TENM3: variants seen among roughly 807,000 people sequenced by gnomAD.
The protein encoded by TENM3 is teneurin transmembrane protein 3.
In TENM3, 63 loss-of-function variants were observed where a neutral mutation model predicts 255.1. The observed-to-expected ratio is 0.25, with a 90% CI of 0.20 to 0.30. The LOEUF (loss-of-function observed/expected upper bound fraction) is 0.30. TENM3 is among the 10% of genes least tolerant of loss of function. TENM3 has a pLI of 1.00. For synonymous variants in TENM3, 1,306 were observed against 1,322.3 expected (o/e 0.99, Z 0.27); for missense variants, 2,929 against 3,461.1 (o/e 0.85, Z 3.86).
the TENM3 span, among the ~76,000 whole-genome samples, chr4:181,767,169 G>A: frequency 1.4e-5 from 2 of 147,444 alleles, no homozygotes; most frequent in Non-Finnish European, 3.0e-5. Flanking sequence ...GGAGAATGGC[G>A]TGAACCCGGG....
chr4:182,594,365 A>C (rs1746971043), intron 3 of TENM3, among the ~76,000 whole-genome samples: 1 of 152,020 alleles, frequency 6.6e-6, no homozygotes, highest in Non-Finnish European at 1.5e-5. Context: ...TTGTCTCTAC[A>C]AAAAATTTAA....
chr4:182,074,082 T>C, the TENM3 span, among the ~76,000 whole-genome samples: 8 of 152,256 alleles, frequency 5.3e-5, no homozygotes, highest in African/African-American at 1.9e-4. Flanking sequence ...TTAAGTCATC[T>C]GGCAGGGTCC....
At chr4:182,321,364 T>G (rs1169873631) in intron 1 of TENM3, among the ~76,000 whole-genome samples, 1 of 152,026 alleles carries the variant, frequency 6.6e-6, no homozygotes, top group African/African-American at 2.4e-5. Context: ...GGTGGCTCAC[T>G]CCTGTAATCC....
At chr4:181,815,517 A>T in the TENM3 span, among the ~76,000 whole-genome samples, 1 of 151,966 alleles carries the variant, frequency 6.6e-6, no homozygotes, top group Non-Finnish European at 1.5e-5. Context: ...ACAAAGTGAA[A>T]ATGGTCTAAT....
intron 3 of TENM3, among the ~76,000 whole-genome samples, chr4:182,419,062 T>C (rs549252457): frequency 1.3e-5 from 2 of 152,322 alleles, no homozygotes; most frequent in African/African-American, 4.8e-5. Flanking sequence ...ACAAAGACAT[T>C]CTATATATGA....
In TENM3 at chr4:182,441,000, C is replaced by A. The variant is rs1475820910; in HGVS notation, c.511+94071C>A. 2.0e-5 allele frequency among the ~76,000 whole-genome samples: 3 copies of A among 152,060 alleles called. No individual in the cohort carries two copies. The East Asian group carries it at 5.8e-4, about 29-fold the overall frequency. On this transcript the variant is annotated intron_variant, in intron 3 of 27. Coordinates refer to ENST00000511685, the MANE Select transcript of TENM3 (RefSeq NM_001080477.4). ...GAGACTCTTAAAATAGAATTGCCCT[C>A]AGTAAACAATGTAAAACATTGTAAT...
At chr4:182,431,028 T>TAAAC (rs1771596128) in intron 3 of TENM3, among the ~76,000 whole-genome samples, 1 of 87,876 alleles carries the variant, frequency 1.1e-5, no homozygotes, top group African/African-American at 4.6e-5. Context: ...AATAAATAAA[T>TAAAC]AAATAAATAA....
chr4:181,644,100 G>T, the TENM3 span, among the ~76,000 whole-genome samples: 1 of 148,286 alleles, frequency 6.7e-6, no homozygotes, highest in Non-Finnish European at 1.5e-5. Context: ...AAAAAGTCAA[G>T]GGTGAGCAAG....
intron 3 of TENM3, among the ~76,000 whole-genome samples, chr4:182,553,679 TC>T (rs1351576829): frequency 6.6e-6 from 1 of 152,212 alleles, no homozygotes; most frequent in Non-Finnish European, 1.5e-5. Context: ...AGTTAATGCC[TC>T]CTCTCATTTA....
intron 3 of TENM3, among the ~76,000 whole-genome samples, chr4:182,554,722 T>C (rs982562478): frequency 6.6e-6 from 1 of 152,164 alleles, no homozygotes. Context: ...GCTCATTTAC[T>C]TAAAAGTCAT....
At chr4:182,765,813 A>G (rs1464204600) in intron 22 of TENM3, among the ~76,000 whole-genome samples, 1 of 152,310 alleles carries the variant, frequency 6.6e-6, no homozygotes, top group East Asian at 1.9e-4. Flanking sequence ...TCCTATTCAC[A>G]AGAAAATATG....
chr4:181,639,257 A>G, the TENM3 span, among the ~76,000 whole-genome samples: 1 of 152,214 alleles, frequency 6.6e-6, no homozygotes, highest in Non-Finnish European at 1.5e-5. Flanking sequence ...CAAGCATATC[A>G]TGGCATATTG....
chr4:182,581,580 CACA>C (rs1408755702), intron 3 of TENM3, among the ~76,000 whole-genome samples: 1 of 152,028 alleles, frequency 6.6e-6, no homozygotes, highest in Admixed American at 6.5e-5. Flanking sequence ...CCTACAAAAA[CACA>C]ATAATTAGGC....
At chr4:182,524,294 C>CAG (rs1738893586) in intron 3 of TENM3, among the ~76,000 whole-genome samples, 2 of 149,724 alleles carry the variant, frequency 1.3e-5, no homozygotes, top group South Asian at 2.1e-4. Context: ...TTGAGAACCA[C>CAG]TATACCATCT....
chr4:181,861,043 G>C, the TENM3 span, among the ~76,000 whole-genome samples: 1 of 152,150 alleles, frequency 6.6e-6, no homozygotes, highest in African/African-American at 2.4e-5. Flanking sequence ...AACAATCCTG[G>C]GGAAAAACAT....
chr4:182,237,272 T>G (rs538359678), intron 1 of TENM3, among the ~76,000 whole-genome samples: 237 of 152,320 alleles, frequency 1.6e-3, no homozygotes, highest in South Asian at 5.8e-3. Flanking sequence ...TTAGGTTGAT[T>G]CCATGTCTTT....
At chr4:181,730,881 A>G in the TENM3 span, among the ~76,000 whole-genome samples, 7 of 152,302 alleles carry the variant, frequency 4.6e-5, 1 homozygote, top group South Asian at 6.2e-4. Flanking sequence ...ATGTTTCACA[A>G]GATAAGATCG....
At chr4:181,846,849 T>C in the TENM3 span, among the ~76,000 whole-genome samples, 3 of 152,214 alleles carry the variant, frequency 2.0e-5, no homozygotes, top group Non-Finnish European at 4.4e-5. Flanking sequence ...TTGATTCTGA[T>C]GCTAATGATT....
chr4:182,548,961 C>T (rs1297209997), intron 3 of TENM3, among the ~76,000 whole-genome samples: 3 of 152,276 alleles, frequency 2.0e-5, no homozygotes, highest in Middle Eastern at 3.4e-3. Context: ...TCTACAGAAC[C>T]TGTCATTTAC....
Sources: gnomAD v4.1 joint callset for allele counts (sites outside exome capture counted in the v4.1 genomes callset) on GRCh38, gnomAD v4.1.1 for gene constraint, MANE v1.5 for transcripts, NCBI Gene and HGNC (gene_info 2026-07-23, HGNC 2026-07-21) for gene names.